Variants in KRT80 observed in about 807,000 individuals in gnomAD.
The protein encoded by KRT80 is keratin 80.
A neutral mutation model predicts 51.5 loss-of-function variants in KRT80; 36 were observed. The ratio of observed to expected loss-of-function variants is 0.70; its 90% CI spans 0.54 to 0.92. KRT80 has a LOEUF of 0.92. Ranked by LOEUF, KRT80 falls within the 40% of genes least tolerant of loss-of-function variation. The probability of loss-of-function intolerance (pLI) is 0.00; values close to 1 mark genes in which losing one functional copy is unlikely to be tolerated. For missense variants in KRT80, 566 were observed against 591.7 expected, an observed-to-expected ratio of 0.96 and a Z score of 0.45; for synonymous variants, 235 against 248.3, an observed-to-expected ratio of 0.95 and a Z score of 0.50.
At chr12:52,181,347 G>A (rs772228071) in intron 2 of KRT80, among the ~76,000 whole-genome samples, 7 of 152,056 alleles carry the variant, frequency 4.6e-5, no homozygotes, top group Non-Finnish European at 4.4e-5. Flanking sequence ...ACTCAAGTCC[G>A]CTGGGAGCAT....
In KRT80 at chr12:52,191,758, A is replaced by G. The variant is rs771464898; in HGVS notation, c.145T>C (p.Cys49Arg). Residue 49 changes from cysteine to arginine, a missense_variant, in exon 1 of 9, where the codon TGC becomes CGC. By Grantham distance (180) the Cys-to-Arg change is radical. Transcript: ENST00000394815. ...PGFSSRSLTG[C>R]WSAGTISKVT... Reference sequence around the variant, plus strand: ...TTGGAGATAGTGCCAGCCGACCAGCAGCCTGTGAGGCTGCGGGAGCTGAAG... The same window carrying G: ...TTGGAGATAGTGCCAGCCGACCAGCGGCCTGTGAGGCTGCGGGAGCTGAAG... 25 of 1,613,294 alleles carry G rather than the reference A, an allele frequency of 1.5e-5. No homozygotes were observed. Among genetic ancestry groups the G allele is most frequent in the Non-Finnish European group, 2.1e-5 (25 of 1,179,818 alleles).
intron 2 of KRT80, among the ~76,000 whole-genome samples, chr12:52,182,560 A>G (rs1323746165): frequency 6.6e-6 from 1 of 152,228 alleles, no homozygotes. Flanking sequence ...AGCGGGGGAC[A>G]GCACCTGCTG....
rs6580861 is a variant in KRT80, at chr12:52,169,935, C to A, written c.*1463G>T. On this transcript the variant is annotated 3_prime_UTR_variant, in exon 9 of 9. Transcript: ENST00000394815. Reference sequence around the variant, plus strand: ...CAGACCTCTGGCCAACATGTCCTGGCAAATGAGATGAATGAATCTAATGCA... The same window carrying A: ...CAGACCTCTGGCCAACATGTCCTGGAAAATGAGATGAATGAATCTAATGCA... 109,048 of 152,152 alleles carry A rather than the reference C, an allele frequency of 0.72. 39,695 individuals carry two copies. The highest frequency in any genetic ancestry group is 0.84 in the South Asian group (4,046 of 4,824). 9.4% of individuals were successfully genotyped at this position (152,152 alleles called of 1,614,324 possible). A position where few individuals can be genotyped will look rare whatever the true frequency, so the allele number is the denominator to read the frequency against.
rs1941482903 is a variant in KRT80 at position 52,191,672 on chromosome 12, C to G, written c.231G>C (p.Gln77His). ...CCTCCTTCTCCTGGTTCTTCAGCTG[C>G]TGAACAGCGGGGTCCAACTTGACAT... ...PLDVKLDPAV[Q>H]QLKNQEKEEM... The change falls in exon 1 of 9, where the codon CAG (glutamine) becomes CAC (histidine). Residue 77 changes from glutamine (Q) to histidine (H), a missense_variant. Gln to His is a conservative substitution (Grantham distance 24). Coordinates refer to ENST00000394815, the MANE Select transcript of KRT80 (RefSeq NM_182507.3). The G allele has an allele frequency of 6.2e-7, 1 of 1,612,746 alleles. No individual in the cohort carries two copies. Among genetic ancestry groups the G allele is most frequent in the African/African-American group, 1.3e-5 (1 of 74,908 alleles).
Position 52,182,131 on chromosome 12 carries a change from C to T in KRT80, c.510-1168G>A, listed in dbSNP as rs1236269882. On this transcript the variant is annotated intron_variant, in intron 2 of 8. Coordinates refer to ENST00000394815, the MANE Select transcript of KRT80 (RefSeq NM_182507.3). ...GGCCCACACCCTCCCTGGCCACTGC[C>T]TTGGCTGCCAAGAGTCTGTTAGGGG... is the stretch of plus-strand genomic sequence containing the variant. Among the ~76,000 whole-genome samples the T allele has an allele frequency of 3.3e-5, 5 of 152,312 alleles. No individual in the cohort carries two copies. The East Asian group carries it at 9.6e-4, about 29-fold the overall frequency.
At chr12:52,173,817 C>T (rs1941166919) in intron 4 of KRT80, 53 bp from the exon 5 acceptor site, 6 of 1,564,426 alleles carry the variant, frequency 3.8e-6, no homozygotes, top group Non-Finnish European at 5.2e-6. Flanking sequence ...GCACAAGGAC[C>T]CTCAGCCCCA....
chr12:52,189,103 T>G (rs1941445360), intron 1 of KRT80, among the ~76,000 whole-genome samples: 1 of 152,180 alleles, frequency 6.6e-6, no homozygotes. Context: ...CTGCTCCTCC[T>G]GAGTGCTCCC....
rs1355993193 is a variant in KRT80, at chr12:52,173,096, G to T, written c.899C>A (p.Ala300Glu). Residue 300 changes from alanine (A) to glutamate (E), a missense_variant, in exon 6 of 9, where the codon GCG becomes GAG. Coordinates refer to ENST00000394815, the MANE Select transcript of KRT80 (RefSeq NM_182507.3). The stretch of plus-strand genomic sequence containing the variant: ...CTTCTGGATGCGCACATTGAGATCC[G>T]CGATCTCGCTGCGGCTGCTCTGGAG... ...SSLQSSRSEI[A>E]DLNVRIQKLR... The T allele has an allele frequency of 6.2e-7, 1 of 1,613,298 alleles. No homozygotes were observed. Among genetic ancestry groups the T allele is most frequent in the African/African-American group, 1.3e-5 (1 of 74,900 alleles).
intron 1 of KRT80, among the ~76,000 whole-genome samples, chr12:52,188,136 C>T (rs1941432885): frequency 6.6e-6 from 1 of 152,096 alleles, no homozygotes; most frequent in African/African-American, 2.4e-5. Flanking sequence ...AAAGGCTCCT[C>T]CCTCTCAGAA....
At chr12:52,172,934 C>T in intron 6 of KRT80, 104 bp downstream of exon 6, 1 of 1,374,136 alleles carries the variant, frequency 7.3e-7, no homozygotes, top group East Asian at 2.5e-5. Context: ...CGCTAAGCGA[C>T]CCACACAGGG....
chr12:52,189,756 C>G (rs1941453892), intron 1 of KRT80, among the ~76,000 whole-genome samples: 2 of 152,238 alleles, frequency 1.3e-5, no homozygotes, highest in African/African-American at 4.8e-5. Flanking sequence ...GAAGGGCACC[C>G]CATCTCAAGG....
chr12:52,173,002 C>T lies in KRT80; in HGVS notation c.957+36G>A, dbSNP rs771653703. The T allele has an allele frequency of 4.4e-6, 7 of 1,589,306 alleles. No individual in the cohort carries two copies. The African/African-American group carries it at 8.1e-5, about 18-fold the overall frequency. ...ACATGACTGTGTGTCTCCCTGCTCT[C>T]CTCCCCGCCCCCAGGCGCGTCCCCC... On this transcript the variant is annotated intron_variant, in intron 6 of 8. Coordinates refer to ENST00000394815, the MANE Select transcript of KRT80 (RefSeq NM_182507.3).
At chr12:52,186,445 C>A (rs566562870) in intron 1 of KRT80, among the ~76,000 whole-genome samples, 102 of 152,230 alleles carry the variant, frequency 6.7e-4, no homozygotes, top group African/African-American at 2.4e-3. Context: ...CTGCTGTGTG[C>A]CAGGCCTTGC....
chr12:52,183,638 C>A (rs78407719), intron 2 of KRT80, among the ~76,000 whole-genome samples: 6 of 152,238 alleles, frequency 3.9e-5, no homozygotes, highest in Non-Finnish European at 5.9e-5. Flanking sequence ...GGATAGAAAC[C>A]AGGCGGCAGG....
In KRT80 at chr12:52,172,382, C is replaced by T. The variant is rs776816924; in HGVS notation, c.994G>A (p.Glu332Lys). Residue 332 changes from glutamate (E) to lysine (K), a missense_variant, in exon 7 of 9, where the codon GAG becomes AAG. Transcript: ENST00000394815. The part of the protein sequence containing the change: ...KLEENIKTAE[E>K]QGELAFQDAK... ...TCCTGGAAGGCCAGCTCACCCTGCT[C>T]CTCAGCTGTCTTGATGTTCTCCTCC... 6.2e-7 allele frequency: 1 copy of T among 1,614,112 alleles called. No individual in the cohort carries two copies.
At chr12:52,185,631 T>C (rs746547730) in intron 1 of KRT80, 44 bp from the exon 2 acceptor site, 69 of 1,585,566 alleles carry the variant, frequency 4.4e-5, no homozygotes, top group Non-Finnish European at 5.5e-5. Context: ...TGTGGACCAG[T>C]CGGGGGCTGA....
At chr12:52,185,277 A>T in intron 2 of KRT80, 102 bp downstream of exon 2, 1 of 1,145,712 alleles carries the variant, frequency 8.7e-7, no homozygotes, top group Non-Finnish European at 1.2e-6. Flanking sequence ...GAAATGTTGC[A>T]GAACATCTTT....
chr12:52,176,578 T>C (rs539985317), intron 4 of KRT80, among the ~76,000 whole-genome samples: 1 of 150,944 alleles, frequency 6.6e-6, no homozygotes, highest in East Asian at 1.9e-4. Context: ...GCCTCCCGGG[T>C]TCAAGCAATT....
intron 4 of KRT80, among the ~76,000 whole-genome samples, chr12:52,175,385 G>A (rs1447588684): frequency 6.6e-6 from 1 of 152,122 alleles, no homozygotes; most frequent in Non-Finnish European, 1.5e-5. Flanking sequence ...CTGGGATCCA[G>A]GCTCAGCTTT....
Sources: gnomAD v4.1 joint callset for allele counts (sites outside exome capture counted in the v4.1 genomes callset) on GRCh38, gnomAD v4.1.1 for gene constraint, MANE v1.5 for transcripts, NCBI Gene and HGNC (gene_info 2026-07-23, HGNC 2026-07-21) for gene names.